Variants in KSR2 observed in about 807,000 individuals in gnomAD.
KSR2 encodes the protein kinase suppressor of ras 2.
Under a neutral mutation model 107.8 loss-of-function variants are expected in KSR2, and 25 were observed. The ratio of observed to expected loss-of-function variants is 0.23; its 90% CI spans 0.17 to 0.32. The LOEUF (loss-of-function observed/expected upper bound fraction) is 0.32, where lower values mean the gene tolerates loss of function less well. Ranked by LOEUF, KSR2 falls within the 10% of genes least tolerant of loss-of-function variation. KSR2 has a pLI of 1.00. For synonymous variants in KSR2, 480 were observed against 507.0 expected, an observed-to-expected ratio of 0.95 and a Z score of 0.71; for missense variants, 887 against 1,268.9, an observed-to-expected ratio of 0.70 and a Z score of 4.57.
At chr12:117,552,157 G>A (rs1343853209) in intron 9 of KSR2, among the ~76,000 whole-genome samples, 1 of 152,182 alleles carries the variant, frequency 6.6e-6, no homozygotes. Context: ...GACGTGGCCT[G>A]ATGTTTTGAT....
chr12:117,646,775 C>G (rs894238394), intron 5 of KSR2, among the ~76,000 whole-genome samples: 7 of 152,142 alleles, frequency 4.6e-5, no homozygotes, highest in Non-Finnish European at 2.9e-5. Flanking sequence ...CGGCATTGCT[C>G]CCAAAGAGAC....
intron 4 of KSR2, among the ~76,000 whole-genome samples, chr12:117,706,402 C>T (rs553135295): frequency 3.3e-5 from 5 of 152,250 alleles, no homozygotes; most frequent in Admixed American, 3.3e-4. Context: ...GATGGAGAAA[C>T]GGAGCCTCAA....
At chr12:117,470,773 T>A (rs1165220224) in intron 18 of KSR2, among the ~76,000 whole-genome samples, 1 of 152,274 alleles carries the variant, frequency 6.6e-6, no homozygotes, top group African/African-American at 2.4e-5. Context: ...AATATTAATG[T>A]ATACCCAGGC....
intron 3 of KSR2, among the ~76,000 whole-genome samples, chr12:117,843,580 C>T (rs1424879823): frequency 6.6e-6 from 1 of 152,174 alleles, no homozygotes; most frequent in Non-Finnish European, 1.5e-5. Flanking sequence ...AGAGAAGGAG[C>T]CATCATGCCC....
chr12:117,832,943 A>G (rs1027153738), intron 3 of KSR2, among the ~76,000 whole-genome samples: 3 of 152,166 alleles, frequency 2.0e-5, no homozygotes, highest in Non-Finnish European at 4.4e-5. Flanking sequence ...GACCAGTGGC[A>G]TGACCCTGGC....
intron 4 of KSR2, among the ~76,000 whole-genome samples, chr12:117,675,989 T>C (rs1236313102): frequency 6.6e-6 from 1 of 152,188 alleles, no homozygotes; most frequent in Non-Finnish European, 1.5e-5. Context: ...AATTGGCCCT[T>C]TTAAATCCTT....
chr12:117,805,067 G>A (rs1252474138), intron 3 of KSR2, among the ~76,000 whole-genome samples: 1 of 152,158 alleles, frequency 6.6e-6, no homozygotes, highest in Non-Finnish European at 1.5e-5. Flanking sequence ...GGGACTTTCA[G>A]TACTAAGACC....
chr12:117,638,031 A>C (rs1221813865), intron 5 of KSR2, among the ~76,000 whole-genome samples: 1 of 152,150 alleles, frequency 6.6e-6, no homozygotes, highest in East Asian at 1.9e-4. Context: ...TATTTCCTCC[A>C]CTCTAACACG....
At chr12:117,757,934 C>T (rs917478540) in intron 4 of KSR2, among the ~76,000 whole-genome samples, 2 of 152,126 alleles carry the variant, frequency 1.3e-5, no homozygotes, top group Non-Finnish European at 2.9e-5. Context: ...CCTGTACTTA[C>T]TGAAAACAAG....
intron 3 of KSR2, among the ~76,000 whole-genome samples, chr12:117,772,582 A>G (rs1206031621): frequency 7.1e-6 from 1 of 141,802 alleles, no homozygotes; most frequent in Non-Finnish European, 1.5e-5. Flanking sequence ...ATACACACAC[A>G]CCATTCCCCC....
chr12:117,642,682 T>A (rs1194615836), intron 5 of KSR2, among the ~76,000 whole-genome samples: 1 of 152,200 alleles, frequency 6.6e-6, no homozygotes. Context: ...GGAGTTCGGG[T>A]GGACCTTTTT....
chr12:117,798,126 G>T (rs1484093201), intron 3 of KSR2, among the ~76,000 whole-genome samples: 1 of 152,120 alleles, frequency 6.6e-6, no homozygotes, highest in African/African-American at 2.4e-5. Context: ...CATCAAATGG[G>T]ATCTTCCTAC....
In KSR2 at chr12:117,861,378, C is replaced by CTTT. The variant is rs5801257; in HGVS notation, c.181-950_181-948dup. On this transcript the variant is annotated intron_variant, in intron 1 of 19. Coordinates refer to ENST00000339824, the MANE Select transcript of KSR2 (RefSeq NM_173598.6). ...TCTGTCCACAAGGACTCCCAATTCG[C>CTTT]TTTTTTTTTTTTTTTTTTTTTTTTT... Among the ~76,000 whole-genome samples the CTTT allele has an allele frequency of 6.1e-4, 50 of 81,682 alleles. 9 individuals are homozygous for CTTT. The highest frequency in any genetic ancestry group is 2.2e-3 in the African/African-American group (38 of 17,574). The allele number at this position is 81,682 out of a possible 152,430, so 53.6% of individuals were successfully genotyped here.
At chr12:117,911,881 C>T (rs1005579020) in intron 1 of KSR2, among the ~76,000 whole-genome samples, 5 of 152,224 alleles carry the variant, frequency 3.3e-5, no homozygotes, top group South Asian at 4.1e-4. Flanking sequence ...AAGGCTTATG[C>T]GTCTCCGGGC....
At chr12:117,664,109 G>A (rs894124182) in intron 5 of KSR2, among the ~76,000 whole-genome samples, 10 of 152,192 alleles carry the variant, frequency 6.6e-5, no homozygotes, top group Admixed American at 5.9e-4. Flanking sequence ...CTTGGAGACA[G>A]ATTCCTCCAT....
chr12:117,932,740 C>T (rs2137503516), intron 1 of KSR2, among the ~76,000 whole-genome samples: 1 of 151,822 alleles, frequency 6.6e-6, no homozygotes, highest in Non-Finnish European at 1.5e-5. Flanking sequence ...AGGCCGGGTG[C>T]AGTGGCTCAC....
intron 5 of KSR2, among the ~76,000 whole-genome samples, chr12:117,606,581 CCTT>C (rs1881279491): frequency 4.7e-5 from 1 of 21,500 alleles, no homozygotes; most frequent in Non-Finnish European, 7.9e-5. Flanking sequence ...TCCTCCCTTC[CCTT>C]CTTCCTTCCT....
At chr12:117,642,126 G>C (rs1484309376) in intron 5 of KSR2, among the ~76,000 whole-genome samples, 1 of 152,174 alleles carries the variant, frequency 6.6e-6, no homozygotes, top group East Asian at 1.9e-4. Context: ...AGGCATCCCT[G>C]TCCCCTCACC....
intron 7 of KSR2, among the ~76,000 whole-genome samples, chr12:117,561,870 T>C (rs11068541): frequency 0.2 from 30,822 of 152,142 alleles, 3,454 homozygotes; most frequent in Middle Eastern, 0.33. Context: ...GATGCAGAGC[T>C]CTGCTAAATG....
Sources: allele counts gnomAD v4.1 joint callset (sites outside exome capture counted in the v4.1 genomes callset), GRCh38; gene constraint gnomAD v4.1.1; transcripts MANE v1.5; gene names NCBI Gene and HGNC (gene_info 2026-07-23, HGNC 2026-07-21).